Variants in NR4A1 observed in about 807,000 individuals in gnomAD.
The protein encoded by NR4A1 is nuclear receptor subfamily 4 group A member 1, also known as nuclear receptor subfamily 4immunitygroup A member 1.
In NR4A1, 24 loss-of-function variants were observed where a neutral mutation model predicts 47.5. That is an observed-to-expected ratio of 0.50 (90% CI 0.37 to 0.71). The LOEUF (loss-of-function observed/expected upper bound fraction) is 0.71, where lower values mean the gene tolerates loss of function less well. Ranked by LOEUF, NR4A1 falls within the 30% of genes least tolerant of loss-of-function variation. NR4A1 has a pLI of 0.00. For synonymous variants in NR4A1, 353 were observed against 345.7 expected, an observed-to-expected ratio of 1.02 and a Z score of -0.24; for missense variants, 669 against 788.6, an observed-to-expected ratio of 0.85 and a Z score of 1.82.
chr12:52,037,164 G>GCGCGGGCGGC (rs1330744336), intron 1 of NR4A1: 2 of 149,014 alleles, frequency 1.3e-5, no homozygotes, highest in African/African-American at 2.4e-5. Context: ...CTGGGACAGC[G>GCGCGGGCGGC]CGCGGGCGGC....
intron 1 of NR4A1, chr12:52,038,618 C>A (rs1374337546): frequency 1.4e-6 from 1 of 698,528 alleles, no homozygotes. Flanking sequence ...GCTCCTAGAT[C>A]TACTCCAAGT....
At chr12:52,052,486 G>A in intron 1 of NR4A1, 1 of 985,500 alleles carries the variant, frequency 1.0e-6, no homozygotes. Context: ...GTCTCTGTTG[G>A]ATCTTACAGG....
At chr12:52,035,459 A>G (rs568029802) in intron 1 of NR4A1, among the ~76,000 whole-genome samples, 268 of 152,288 alleles carry the variant, frequency 1.8e-3, no homozygotes, top group African/African-American at 5.5e-3. Context: ...AATGTATTTC[A>G]AAAGTTAGAC....
At position 52,054,770 on chromosome 12, in the gene NR4A1, C is replaced by A; in HGVS notation, c.442C>A (p.Pro148Thr). 1 of 1,612,582 alleles carries A rather than the reference C, an allele frequency of 6.2e-7. No homozygotes were observed. ...GTCGCCCTCCACGCCCAGCTTCCAG[C>A]CGCCCCAGCTCTCTCCCTGGGATGG... ...APSPSTPSFQ[P>T]PQLSPWDGSF... The change falls in exon 2 of 7, where the codon CCG becomes ACG. Residue 148 changes from proline to threonine, a missense_variant. Pro to Thr is a conservative substitution (Grantham distance 38). Transcript: ENST00000394825.
Position 52,059,030 on chromosome 12 carries a change from A to C in NR4A1, c.*86A>C. ...GTCCACGGACCCCCAGAGCACCCCC[A>C]AGCCTGGGCTTGAGCTGCAGAATGA... On this transcript the variant is annotated 3_prime_UTR_variant, in exon 7 of 7. Transcript: ENST00000394825. 1.4e-6 allele frequency: 2 copies of C among 1,465,848 alleles called. No individual in the cohort carries two copies. The highest frequency in any genetic ancestry group is 1.8e-6 in the Non-Finnish European group (2 of 1,088,932). 90.8% of individuals were successfully genotyped at this position (1,465,848 alleles called of 1,614,324 possible).
chr12:52,056,915 A>C (rs1201431103), intron 4 of NR4A1, 142 bp from the exon 5 acceptor site: 1 of 887,696 alleles, frequency 1.1e-6, no homozygotes, highest in Non-Finnish European at 1.7e-6. Flanking sequence ...AATATGTGAG[A>C]CTTGGCAAGT....
At chr12:52,025,868 G>T (rs1285929559) in intron 1 of NR4A1, among the ~76,000 whole-genome samples, 3 of 152,188 alleles carry the variant, frequency 2.0e-5, no homozygotes, top group African/African-American at 7.2e-5. Flanking sequence ...GGGCCGCAGG[G>T]GATCCTGCTG....
chr12:52,033,738 T>C (rs1938180976), intron 1 of NR4A1, among the ~76,000 whole-genome samples: 1 of 152,198 alleles, frequency 6.6e-6, no homozygotes, highest in Admixed American at 6.5e-5. Context: ...TCTCTATTTT[T>C]TCGGCCCTTA....
At chr12:52,043,641 A>C in intron 2 of NR4A1, 2 of 1,179,692 alleles carry the variant, frequency 1.7e-6, no homozygotes, top group South Asian at 3.1e-5. Flanking sequence ...AGAGGGCCCA[A>C]AGTGGCTCCC....
At chr12:52,049,318 T>C (rs1475861723), upstream of NR4A1, among the ~76,000 whole-genome samples, 3 of 152,236 alleles carry the variant, frequency 2.0e-5, no homozygotes, top group African/African-American at 7.2e-5. Context: ...AGTTCAAACG[T>C]GTTGTTCAAG....
chr12:52,028,013 G>A (rs1938033735), intron 1 of NR4A1, among the ~76,000 whole-genome samples: 1 of 151,822 alleles, frequency 6.6e-6, no homozygotes, highest in Admixed American at 6.6e-5. Context: ...ACCAGCCTGG[G>A]CAACATGATG....
rs1259772751 is a variant in NR4A1, at chr12:52,043,653, C to G, written c.37+1724C>G. ...TCAAGAGGGCCCAAAGTGGCTCCCC[C>G]CATCCCCAGAGGCCGGCTCTGGTTT... On this transcript the variant is annotated intron_variant, in intron 2 of 7. Coordinates refer to the NR4A1 transcript ENST00000360284. The G allele has an allele frequency of 4.2e-6, 5 of 1,188,352 alleles. No homozygotes were observed. In the East Asian group the frequency reaches 2.9e-4, roughly 69 times the overall value. The allele number at this position is 1,188,352 out of a possible 1,614,324, so 73.6% of individuals were successfully genotyped here. A position where few individuals can be genotyped will look rare whatever the true frequency, so the allele number is the denominator to read the frequency against.
At chr12:52,047,637 T>C (rs561429282), upstream of NR4A1, among the ~76,000 whole-genome samples, 1 of 152,374 alleles carries the variant, frequency 6.6e-6, no homozygotes, top group South Asian at 2.1e-4. Context: ...CTCCATAACC[T>C]GCAGCAGCTT....
At chr12:52,047,926 G>A (rs555233968), upstream of NR4A1, among the ~76,000 whole-genome samples, 7 of 152,246 alleles carry the variant, frequency 4.6e-5, no homozygotes, top group African/African-American at 1.7e-4. Context: ...AGGCCAAGGC[G>A]GGTGGATCAC....
At chr12:52,036,077 G>C (rs935342136) in intron 1 of NR4A1, among the ~76,000 whole-genome samples, 3 of 152,218 alleles carry the variant, frequency 2.0e-5, no homozygotes, top group Admixed American at 6.5e-5. Context: ...TATAGGAGCA[G>C]AGATGGTAAC....
At chr12:52,051,427 C>G (rs1938932415), upstream of NR4A1, 1 of 985,446 alleles carries the variant, frequency 1.0e-6, no homozygotes, top group South Asian at 4.7e-5. Context: ...AGAGGAGGGT[C>G]GGGCTCGGCC....
In NR4A1 at chr12:52,054,736, C is replaced by T; in HGVS notation, c.408C>T (p.Cys136=). The T allele has an allele frequency of 6.2e-7, 1 of 1,613,036 alleles. No homozygotes were observed. The highest frequency in any genetic ancestry group is 1.3e-5 in the African/African-American group (1 of 75,064). ...GCTCTGACTACTATGGCAGCCCCTG[C>T]TCGGCCCCGTCGCCCTCCACGCCCA... ...SSGSDYYGSP[C]SAPSPSTPSF... is the part of the protein sequence containing the mutation. Residue 136 remains cysteine, a synonymous_variant, in exon 2 of 7, where the codon TGC becomes TGT. Coordinates refer to ENST00000394825, the MANE Select transcript of NR4A1 (RefSeq NM_173157.3).
In NR4A1 at chr12:52,041,873, C is replaced by G. The variant is rs1177797129; in HGVS notation, c.-20C>G. 4 of 1,529,692 alleles carry G rather than the reference C, an allele frequency of 2.6e-6. No individual in the cohort carries two copies. The African/African-American group carries it at 5.5e-5, about 21-fold the overall frequency. 94.8% of individuals were successfully genotyped at this position (1,529,692 alleles called of 1,614,324 possible). A position where few individuals can be genotyped will look rare whatever the true frequency, so the allele number is the denominator to read the frequency against. On this transcript the variant is annotated 5_prime_UTR_variant, in exon 2 of 8. Coordinates refer to the NR4A1 transcript ENST00000360284. Reference sequence around the variant, plus strand: ...AGGCAGCCTGGCTCCTTCTGCTGGGCCCTGAAGGCAGACGGGATAATGTGG... The same window carrying G: ...AGGCAGCCTGGCTCCTTCTGCTGGGGCCTGAAGGCAGACGGGATAATGTGG...
At chr12:52,052,026 C>T (rs1277536075) in intron 1 of NR4A1, among the ~76,000 whole-genome samples, 1 of 152,106 alleles carries the variant, frequency 6.6e-6, no homozygotes, top group Non-Finnish European at 1.5e-5. Flanking sequence ...TCAGCTCCCT[C>T]CCAGTGTCCC....
Sources: allele counts gnomAD v4.1 joint callset (sites outside exome capture counted in the v4.1 genomes callset), GRCh38; gene constraint gnomAD v4.1.1; transcripts MANE v1.5; gene names NCBI Gene and HGNC (gene_info 2026-07-23, HGNC 2026-07-21).